The following CSMD1 variants were observed in gnomAD, a reference collection of about 807,000 sequenced individuals.
The protein encoded by CSMD1 is CUB and sushi domain-containing protein 1.
In CSMD1, 213 loss-of-function variants were observed where a neutral mutation model predicts 417.5. The observed-to-expected ratio is 0.51, with a 90% CI of 0.46 to 0.57. The LOEUF is 0.57. Ranked by LOEUF, CSMD1 falls within the 20% of genes least tolerant of loss-of-function variation. The pLI, the probability that CSMD1 is intolerant of heterozygous loss-of-function variation, is 0.00. For synonymous variants in CSMD1, 2,862 were observed against 1,736.8 expected, an observed-to-expected ratio of 1.65 and a Z score of -16.11; for missense variants, 6,923 against 4,529.7, an observed-to-expected ratio of 1.53 and a Z score of -15.17.
chr8:3,575,194 A>C, intron 9 of CSMD1, 128 bp from the exon 10 acceptor site: 1 of 972,834 alleles, frequency 1.0e-6, no homozygotes, highest in Non-Finnish European at 1.5e-6. Context: ...AAAATGGTGC[A>C]TGGACTCCAA....
At chr8:4,486,101 ATATG>A (rs1205186712) in intron 2 of CSMD1, among the ~76,000 whole-genome samples, 2 of 146,976 alleles carry the variant, frequency 1.4e-5, no homozygotes, top group African/African-American at 2.5e-5. Flanking sequence ...TCATACATAT[ATATG>A]TATGTATATA....
chr8:4,442,916 C>T (rs966571965), intron 2 of CSMD1, among the ~76,000 whole-genome samples: 1 of 152,076 alleles, frequency 6.6e-6, no homozygotes, highest in African/African-American at 2.4e-5. Context: ...TTTATATAAA[C>T]ATAAATGATA....
chr8:3,896,067 G>A (rs1172157853), intron 5 of CSMD1, among the ~76,000 whole-genome samples: 1 of 152,182 alleles, frequency 6.6e-6, no homozygotes, highest in East Asian at 1.9e-4. Context: ...TCATGTAGCT[G>A]CTGATTTCCA....
intron 3 of CSMD1, among the ~76,000 whole-genome samples, chr8:4,347,977 A>G (rs923222121): frequency 3.9e-5 from 6 of 152,190 alleles, no homozygotes; most frequent in African/African-American, 1.4e-4. Context: ...CACGGGAAGC[A>G]CTACACTGGC....
At chr8:4,314,889 G>C (rs1392316728) in intron 3 of CSMD1, among the ~76,000 whole-genome samples, 1 of 152,152 alleles carries the variant, frequency 6.6e-6, no homozygotes, top group Non-Finnish European at 1.5e-5. Flanking sequence ...TTGGAGTGAA[G>C]AACATAATTG....
chr8:3,532,517 G>A (rs1018112700), intron 10 of CSMD1, among the ~76,000 whole-genome samples: 3 of 152,044 alleles, frequency 2.0e-5, no homozygotes, highest in Admixed American at 6.6e-5. Context: ...CCCCTCAGAT[G>A]ATCAGGACTT....
At chr8:4,517,170 T>G (rs1230358567) in intron 2 of CSMD1, among the ~76,000 whole-genome samples, 1 of 152,168 alleles carries the variant, frequency 6.6e-6, no homozygotes, top group African/African-American at 2.4e-5. Context: ...ATGAACTAAT[T>G]CATATAAGAA....
intron 2 of CSMD1, among the ~76,000 whole-genome samples, chr8:4,580,869 A>T (rs1413035810): frequency 1.3e-5 from 2 of 152,238 alleles, no homozygotes; most frequent in African/African-American, 2.4e-5. Context: ...CACGGAATGC[A>T]AATAATTTAT....
chr8:4,355,642 A>G (rs1041529619), intron 3 of CSMD1, among the ~76,000 whole-genome samples: 1 of 152,206 alleles, frequency 6.6e-6, no homozygotes, highest in African/African-American at 2.4e-5. Flanking sequence ...AAATCATTCA[A>G]GAAAAGCAAG....
chr8:4,273,801 G>C (rs1304543904), intron 3 of CSMD1, among the ~76,000 whole-genome samples: 3 of 152,134 alleles, frequency 2.0e-5, no homozygotes, highest in Non-Finnish European at 2.9e-5. Flanking sequence ...TGTATGTCTG[G>C]TGAAACCTGT....
rs555421815 is a variant in CSMD1, at chr8:4,153,054, A to G, written c.416-120955T>C. ...GTAAAATGACTTGTAACGTGTTATT[A>G]ACAGTTTTTGAAGGGGGTATGATTC... is the stretch of plus-strand genomic sequence containing the variant. On this transcript the variant is annotated intron_variant, in intron 3 of 69. Coordinates refer to ENST00000635120, the MANE Select transcript of CSMD1 (RefSeq NM_033225.6). Among the ~76,000 whole-genome samples the G allele has an allele frequency of 1.6e-3, 239 of 152,278 alleles. 1 individual carries two copies. Among genetic ancestry groups the G allele is most frequent in the African/African-American group, 5.5e-3 (228 of 41,544 alleles).
chr8:4,082,311 A>G (rs1328024427), intron 3 of CSMD1, among the ~76,000 whole-genome samples: 2 of 152,186 alleles, frequency 1.3e-5, no homozygotes, highest in Admixed American at 6.5e-5. Flanking sequence ...AGAAAAATTT[A>G]ATATTTGATA....
At chr8:4,138,477 G>A (rs556884969) in intron 3 of CSMD1, among the ~76,000 whole-genome samples, 2 of 152,098 alleles carry the variant, frequency 1.3e-5, no homozygotes, top group South Asian at 2.1e-4. Context: ...GCCTACAAGT[G>A]CCTTCATTCC....
chr8:4,779,719 C>G (rs1185817934), intron 1 of CSMD1, among the ~76,000 whole-genome samples: 1 of 152,064 alleles, frequency 6.6e-6, no homozygotes, highest in East Asian at 1.9e-4. Flanking sequence ...ATGTATAAAA[C>G]CAAAGGAAAG....
intron 5 of CSMD1, among the ~76,000 whole-genome samples, chr8:3,864,435 A>G (rs2129107334): frequency 6.6e-6 from 1 of 152,340 alleles, no homozygotes; most frequent in African/African-American, 2.4e-5. Flanking sequence ...AAAGGAATAC[A>G]GTATGAGAAG....
At chr8:4,947,479 C>T (rs916874067) in intron 1 of CSMD1, among the ~76,000 whole-genome samples, 1 of 152,032 alleles carries the variant, frequency 6.6e-6, no homozygotes, top group Non-Finnish European at 1.5e-5. Context: ...AGATCATCAA[C>T]AATGAGAAAA....
In CSMD1 at chr8:4,789,943, C is replaced by T. The variant is rs139497996; in HGVS notation, c.86-152385G>A. On this transcript the variant is annotated intron_variant, in intron 1 of 69. Transcript: ENST00000635120. ...CTGTTCTGCCAGAGAAAAATGTACCCGAAAAACGTATCTTAAAGGTGCTAT... is the reference window on the plus strand; with the variant it reads ...CTGTTCTGCCAGAGAAAAATGTACCTGAAAAACGTATCTTAAAGGTGCTAT... Among the ~76,000 whole-genome samples the T allele has an allele frequency of 4.0e-3, 606 of 152,190 alleles. 4 individuals are homozygous for T. Among genetic ancestry groups the T allele is most frequent in the African/African-American group, 0.014 (573 of 41,534 alleles).
At chr8:4,364,130 G>A (rs1186017641) in intron 3 of CSMD1, among the ~76,000 whole-genome samples, 1 of 152,128 alleles carries the variant, frequency 6.6e-6, no homozygotes, top group African/African-American at 2.4e-5. Context: ...TGCATTGCAT[G>A]CCTGTATCAA....
At chr8:3,019,933 T>A (rs1283164639) in intron 51 of CSMD1, among the ~76,000 whole-genome samples, 1 of 152,208 alleles carries the variant, frequency 6.6e-6, no homozygotes, top group African/African-American at 2.4e-5. Context: ...GAAAAGCTAT[T>A]CAAAGCAAGC....
Sources: allele counts gnomAD v4.1 joint callset (sites outside exome capture counted in the v4.1 genomes callset), GRCh38; gene constraint gnomAD v4.1.1; transcripts MANE v1.5; gene names NCBI Gene and HGNC (gene_info 2026-07-23, HGNC 2026-07-21).